CRIM1: variants seen among roughly 807,000 people sequenced by gnomAD.
The protein encoded by CRIM1 is cysteine-rich motor neuron 1 protein.
A neutral mutation model predicts 116.4 loss-of-function variants in CRIM1; 32 were observed. That is an observed-to-expected ratio of 0.27 (90% CI 0.21 to 0.37). The LOEUF is 0.37. Among genes scored for constraint, CRIM1 ranks in the 10% least tolerant of loss-of-function variants. CRIM1 has a pLI of 1.00. For synonymous variants in CRIM1, 590 were observed against 509.2 expected (o/e 1.16, Z -2.13); for missense variants, 1,331 against 1,354.8 (o/e 0.98, Z 0.28).
At chr2:36,450,238 C>T (rs1676599467) in intron 4 of CRIM1, among the ~76,000 whole-genome samples, 1 of 152,276 alleles carries the variant, frequency 6.6e-6, no homozygotes, top group Middle Eastern at 3.4e-3. Flanking sequence ...CTGGTGCCCA[C>T]ACAGGCTCAC....
At chr2:36,523,459 A>T (rs1317881502) in intron 13 of CRIM1, among the ~76,000 whole-genome samples, 1 of 152,182 alleles carries the variant, frequency 6.6e-6, no homozygotes, top group Middle Eastern at 3.2e-3. Context: ...AACTAGTCCT[A>T]TGGACATAAG....
In CRIM1 at chr2:36,512,402, T is replaced by G. The variant is rs1216447836; in HGVS notation, c.1780+8T>G. On this transcript the variant is annotated splice_region_variant and intron_variant, in intron 10 of 16. Transcript: ENST00000280527. ...TTATCTGCAAGTGCAGAGGTAAGTG[T>G]GTACACATGGCCCTTCCCCCTCAAA... The G allele has an allele frequency of 1.2e-6, 2 of 1,605,636 alleles. No homozygotes were observed. The highest frequency in any genetic ancestry group is 1.7e-6 in the Non-Finnish European group (2 of 1,173,356).
chr2:36,495,484 T>A lies in CRIM1; in HGVS notation c.1373-3735T>A, dbSNP rs1048858456. On this transcript the variant is annotated intron_variant, in intron 7 of 16. Transcript: ENST00000280527. ...CTTTATTTATTTATTTATTTTTTTT[T>A]TTTTTTTTTTTTGGATGAGAAACAG... is the stretch of plus-strand genomic sequence containing the variant. Among the ~76,000 whole-genome samples, 1,480 of 148,094 alleles carry A rather than the reference T, an allele frequency of 1.0e-2. 30 individuals are homozygous for A. Among genetic ancestry groups the A allele is most frequent in the African/African-American group, 0.034 (1,381 of 40,402 alleles).
chr2:36,502,498 T>C (rs545543525), intron 8 of CRIM1, among the ~76,000 whole-genome samples: 1 of 152,288 alleles, frequency 6.6e-6, no homozygotes, highest in African/African-American at 2.4e-5. Context: ...ATTGTACCCA[T>C]TTATACAGAT....
At chr2:36,425,290 A>G (rs1674365857) in intron 2 of CRIM1, among the ~76,000 whole-genome samples, 1 of 152,214 alleles carries the variant, frequency 6.6e-6, no homozygotes, top group Non-Finnish European at 1.5e-5. Flanking sequence ...CAGACTAAAC[A>G]TATTGATAGT....
chr2:36,408,407 G>A (rs1044799219), intron 2 of CRIM1, among the ~76,000 whole-genome samples: 1 of 152,188 alleles, frequency 6.6e-6, no homozygotes, highest in Admixed American at 6.5e-5. Flanking sequence ...CTGCTGAGTT[G>A]CTGCTTTGCC....
chr2:36,472,542 C>A lies in CRIM1; in HGVS notation c.992-4347C>A, dbSNP rs375406330. 1.4e-4 allele frequency among the ~76,000 whole-genome samples: 21 copies of A among 152,130 alleles called. No individual in the cohort carries two copies. The East Asian group carries it at 2.7e-3, about 20-fold the overall frequency. On this transcript the variant is annotated intron_variant, in intron 5 of 16. Coordinates refer to ENST00000280527, the MANE Select transcript of CRIM1 (RefSeq NM_016441.3). ...AGTTCTCTCGTCAGTCCCATCCCCT[C>A]CTGCTTAAGCTTCTGCACACCCTAC...
intron 13 of CRIM1, among the ~76,000 whole-genome samples, chr2:36,524,319 A>G (rs1665609023): frequency 6.6e-6 from 1 of 152,248 alleles, no homozygotes; most frequent in African/African-American, 2.4e-5. Flanking sequence ...ACCAAAATTC[A>G]CGCAACAAAA....
intron 1 of CRIM1, among the ~76,000 whole-genome samples, chr2:36,367,386 C>G (rs1480101692): frequency 6.6e-6 from 1 of 152,274 alleles, no homozygotes; most frequent in African/African-American, 2.4e-5. Context: ...TATGTGATAA[C>G]ATGATAAAGG....
rs903529504 is a variant in CRIM1, at chr2:36,548,776, T to C, written c.*75T>C. On this transcript the variant is annotated 3_prime_UTR_variant, in exon 17 of 17. Coordinates refer to ENST00000280527, the MANE Select transcript of CRIM1 (RefSeq NM_016441.3). ...GCTCTAAAAAGTAAACTAGAATTTG[T>C]GCACTTGCTTAGTGGATTGTATTGG... is the stretch of plus-strand genomic sequence containing the variant. 11 of 1,272,182 alleles carry C rather than the reference T, an allele frequency of 8.6e-6. No individual in the cohort carries two copies. In the African/African-American group the frequency reaches 1.5e-4, roughly 18 times the overall value. The allele number at this position is 1,272,182 out of a possible 1,614,324, so 78.8% of individuals were successfully genotyped here. A position where few individuals can be genotyped will look rare whatever the true frequency, so the allele number is the denominator to read the frequency against.
Position 36,356,160 on chromosome 2 carries a change from G to C in CRIM1, c.-133G>C, listed in dbSNP as rs1194775105. 9.1e-6 allele frequency: 2 copies of C among 220,194 alleles called. No individual in the cohort carries two copies. The highest frequency in any genetic ancestry group is 4.7e-5 in the African/African-American group (2 of 42,458). The allele number at this position is 220,194 out of a possible 1,614,324, so 13.6% of individuals were successfully genotyped here. On this transcript the variant is annotated 5_prime_UTR_variant, in exon 1 of 17. Transcript: ENST00000280527. The surrounding 1 kb of genome is among the most constrained non-coding windows in gnomAD (Gnocchi z 4.3). ...GCCCCGCGAGGGGAGGCGCGCCCCG[G>C]GGGCCCCGAGAGGGGCGGTGAGGAC... is the stretch of plus-strand genomic sequence containing the variant.
chr2:36,512,925 T>G (rs1664786772), intron 10 of CRIM1, among the ~76,000 whole-genome samples: 1 of 152,228 alleles, frequency 6.6e-6, no homozygotes, highest in African/African-American at 2.4e-5. Context: ...GGGAGCTTCC[T>G]GAAGCCACTG....
At chr2:36,418,954 A>G (rs1386491654) in intron 2 of CRIM1, among the ~76,000 whole-genome samples, 1 of 152,126 alleles carries the variant, frequency 6.6e-6, no homozygotes, top group Non-Finnish European at 1.5e-5. Flanking sequence ...TCCAGGCTGT[A>G]TAGGTTCTGT....
chr2:36,378,089 A>G (rs1263005160), intron 1 of CRIM1, among the ~76,000 whole-genome samples: 2 of 152,198 alleles, frequency 1.3e-5, no homozygotes, highest in African/African-American at 4.8e-5. Context: ...TACCCTTTCT[A>G]AACTTAGGGG....
chr2:36,387,898 C>A (rs920386598), intron 1 of CRIM1, among the ~76,000 whole-genome samples: 1 of 149,368 alleles, frequency 6.7e-6, no homozygotes, highest in Non-Finnish European at 1.5e-5. Flanking sequence ...TTCCATCCTC[C>A]TTGATTCTTT....
chr2:36,544,442 T>C lies in CRIM1; in HGVS notation c.2690T>C (p.Leu897Pro). The stretch of plus-strand genomic sequence containing the variant: ...ACAAACCATCGAGGAGAGGTTGACC[T>C]GGAGGTTCCCCTGTGGCCCACGCCT... ...EKTNHRGEVD[L>P]EVPLWPTPSE... Residue 897 changes from leucine to proline, a missense_variant, in exon 15 of 17, where the codon CTG (leucine) becomes CCG (proline). By Grantham distance (98) the Leu-to-Pro change is moderately conservative (BLOSUM62 -3). This residue lies in a region of CRIM1 where 283 missense variants were observed against 242.8 expected (regional missense o/e 1.17). Transcript: ENST00000280527. 3 of 1,426,732 alleles carry C rather than the reference T, an allele frequency of 2.1e-6. No individual in the cohort carries two copies. The highest frequency in any genetic ancestry group is 2.8e-6 in the Non-Finnish European group (3 of 1,083,580). The allele number at this position is 1,426,732 out of a possible 1,614,324, so 88.4% of individuals were successfully genotyped here.
intron 2 of CRIM1, among the ~76,000 whole-genome samples, chr2:36,419,003 C>T (rs1332378717): frequency 1.3e-5 from 2 of 152,218 alleles, no homozygotes; most frequent in Non-Finnish European, 2.9e-5. Context: ...ACTTCTCCTT[C>T]CTCTCTCCTG....
chr2:36,379,470 T>C (rs1670563329), intron 1 of CRIM1, among the ~76,000 whole-genome samples: 1 of 152,202 alleles, frequency 6.6e-6, no homozygotes, highest in African/African-American at 2.4e-5. Flanking sequence ...GGTACAAAAA[T>C]CAGGCACTTT....
chr2:36,505,058 G>C (rs1681294378), intron 8 of CRIM1, among the ~76,000 whole-genome samples: 1 of 152,192 alleles, frequency 6.6e-6, no homozygotes, highest in African/African-American at 2.4e-5. Flanking sequence ...CAAGAAGGTT[G>C]CAGCATCAAA....
Sources: allele counts gnomAD v4.1 joint callset (sites outside exome capture counted in the v4.1 genomes callset), GRCh38; gene constraint gnomAD v4.1.1; regional missense constraint gnomAD v4.1.1; non-coding constraint Gnocchi (gnomAD v3.1); transcripts MANE v1.5; gene names NCBI Gene and HGNC (gene_info 2026-07-23, HGNC 2026-07-21).